The following CGNL1 variants were observed in gnomAD, a reference collection of about 807,000 sequenced individuals.
The protein encoded by CGNL1 is cingulin-like protein 1.
CGNL1 carries 132 observed loss-of-function variants against 141.2 expected under a neutral mutation model. The ratio of observed to expected loss-of-function variants is 0.93; its 90% CI spans 0.81 to 1.08. The LOEUF (loss-of-function observed/expected upper bound fraction) is 1.08, where lower values mean the gene tolerates loss of function less well. CGNL1 is among the 50% of genes least tolerant of loss of function. The pLI, the probability that CGNL1 is intolerant of heterozygous loss-of-function variation, is 0.00. For missense variants in CGNL1, 1,870 were observed against 1,588.6 expected, an observed-to-expected ratio of 1.18 and a Z score of -3.01; for synonymous variants, 690 against 622.1, an observed-to-expected ratio of 1.11 and a Z score of -1.63.
chr15:57,455,134 A>G (rs1176129461), intron 7 of CGNL1, among the ~76,000 whole-genome samples: 15 of 152,336 alleles, frequency 9.8e-5, no homozygotes, highest in African/African-American at 2.9e-4. Context: ...ATTTTTAAGA[A>G]GATAAACCAC....
intron 8 of CGNL1, among the ~76,000 whole-genome samples, chr15:57,473,657 G>A (rs1400173185): frequency 6.6e-6 from 1 of 152,074 alleles, no homozygotes; most frequent in Non-Finnish European, 1.5e-5. Context: ...CTCTTGCTGT[G>A]GAGGAAGCCA....
At chr15:57,524,525 A>C in intron 11 of CGNL1, 56 bp from the exon 12 acceptor site, 1 of 1,506,664 alleles carries the variant, frequency 6.6e-7, no homozygotes. Context: ...AATGGGACCC[A>C]GACCCTGGTC....
chr15:57,378,746 T>G (rs2062394286), intron 1 of CGNL1, among the ~76,000 whole-genome samples: 1 of 152,138 alleles, frequency 6.6e-6, no homozygotes. Flanking sequence ...GAAAGAACAT[T>G]TACATTCATT....
At chr15:57,504,720 A>G (rs953834631) in intron 8 of CGNL1, among the ~76,000 whole-genome samples, 3 of 151,978 alleles carry the variant, frequency 2.0e-5, no homozygotes, top group African/African-American at 7.3e-5. Flanking sequence ...GGGCTCTTGG[A>G]GCTTGTACCT....
intron 1 of CGNL1, chr15:57,405,005 C>G (rs533362904): frequency 1.3e-5 from 2 of 152,310 alleles, no homozygotes; most frequent in East Asian, 3.9e-4. Flanking sequence ...GTACTGCCCA[C>G]CATACTGTCT....
intron 1 of CGNL1, among the ~76,000 whole-genome samples, chr15:57,423,892 G>A (rs531698255): frequency 1.3e-5 from 2 of 152,332 alleles, no homozygotes; most frequent in East Asian, 1.9e-4. Context: ...GCTGCCAGGC[G>A]ATGCTGTTGC....
intron 1 of CGNL1, among the ~76,000 whole-genome samples, chr15:57,404,525 A>C (rs1376453985): frequency 6.6e-6 from 1 of 152,190 alleles, no homozygotes; most frequent in Non-Finnish European, 1.5e-5. Context: ...CATTTTTGCA[A>C]AGGGTGCATT....
At chr15:57,422,354 A>G (rs924900953) in intron 1 of CGNL1, among the ~76,000 whole-genome samples, 3 of 152,004 alleles carry the variant, frequency 2.0e-5, no homozygotes, top group Non-Finnish European at 4.4e-5. Flanking sequence ...ATGATTTCTA[A>G]TGGTGTGACT....
At chr15:57,509,367 C>T (rs952560766) in intron 8 of CGNL1, among the ~76,000 whole-genome samples, 1 of 152,228 alleles carries the variant, frequency 6.6e-6, no homozygotes, top group Non-Finnish European at 1.5e-5. Context: ...CAAAAGCCGG[C>T]TGTGGCAGAG....
At position 57,546,154 on chromosome 15, in the gene CGNL1, A is replaced by G. The variant is rs761913438; in HGVS notation, c.3688A>G (p.Lys1230Glu). The G allele has an allele frequency of 2.5e-6, 4 of 1,613,570 alleles. No individual in the cohort carries two copies. Among genetic ancestry groups the G allele is most frequent in the Non-Finnish European group, 3.4e-6 (4 of 1,179,808 alleles). The change falls in exon 18 of 19, where the codon AAG (lysine) becomes GAG (glutamate). Residue 1230 changes from lysine (K) to glutamate (E), a missense_variant. By Grantham distance (56) the Lys-to-Glu change is moderately conservative (BLOSUM62 1). Coordinates refer to ENST00000281282, the MANE Select transcript of CGNL1 (RefSeq NM_032866.5). ...EEIDRLESSK[K>E]KLQRELEEQM... ...AATCGACAGACTGGAAAGTTCTAAA[A>G]AGAAGCTGCAGAGGGAGCTGGAGGA...
intron 8 of CGNL1, among the ~76,000 whole-genome samples, chr15:57,463,851 T>A (rs2063476123): frequency 6.6e-6 from 1 of 152,232 alleles, no homozygotes; most frequent in African/African-American, 2.4e-5. Context: ...GTTGTCCTCC[T>A]GCAAGAATTC....
At chr15:57,394,131 G>GTTTTTTTTTT (rs2062576379) in intron 1 of CGNL1, 1 of 84,546 alleles carries the variant, frequency 1.2e-5, no homozygotes, top group Non-Finnish European at 2.5e-5. Context: ...TTGAGATGGA[G>GTTTTTTTTTT]TTTCGCTCTT....
Position 57,438,077 on chromosome 15 carries a change from C to G in CGNL1, c.78C>G (p.Thr26=). 1 of 1,613,964 alleles carries G rather than the reference C, an allele frequency of 6.2e-7. No individual in the cohort carries two copies. Residue 26 remains threonine, a synonymous_variant, in exon 2 of 19, where the codon ACC becomes ACG. Transcript: ENST00000281282. ...ATCTGAGACTCGCAAGTGATGATAC[C>G]CAAAAATCAAGGAGTTCCCAGAACT... ...GVHLRLASDD[T]QKSRSSQNSK...
chr15:57,506,411 C>A (rs1567159224), intron 8 of CGNL1, among the ~76,000 whole-genome samples: 2 of 152,132 alleles, frequency 1.3e-5, no homozygotes, highest in Non-Finnish European at 2.9e-5. Flanking sequence ...ATGTGAGGCT[C>A]CTTTTATCTC....
intron 8 of CGNL1, among the ~76,000 whole-genome samples, chr15:57,500,156 T>G (rs1040582485): frequency 6.6e-5 from 10 of 152,118 alleles, no homozygotes; most frequent in African/African-American, 2.4e-4. Flanking sequence ...TGTGAGATGT[T>G]TTCCTTCATA....
At chr15:57,452,441 G>C (rs576571969) in intron 6 of CGNL1, 152 bp downstream of exon 6, 2 of 686,196 alleles carry the variant, frequency 2.9e-6, no homozygotes, top group Non-Finnish European at 4.8e-6. Context: ...GTAAAATTAT[G>C]AAGCTGGCGA....
intron 7 of CGNL1, among the ~76,000 whole-genome samples, chr15:57,458,250 T>C (rs2063403516): frequency 1.3e-5 from 2 of 152,230 alleles, no homozygotes; most frequent in African/African-American, 2.4e-5. Flanking sequence ...TGACCTCTAA[T>C]GGATGTATAC....
chr15:57,393,247 G>A (rs1376595836), intron 1 of CGNL1, among the ~76,000 whole-genome samples: 9 of 152,150 alleles, frequency 5.9e-5, no homozygotes, highest in African/African-American at 2.2e-4. Flanking sequence ...TAGCATTGAG[G>A]CCTTCTGCAA....
At position 57,438,293 on chromosome 15, in the gene CGNL1, T is replaced by G. The variant is rs758177120; in HGVS notation, c.294T>G (p.Ser98Arg). Residue 98 changes from serine to arginine, a missense_variant, in exon 2 of 19, where the codon AGT (serine) becomes AGG (arginine). Transcript: ENST00000281282. ...SSNGSVPKEN[S>R]EELQLPENPY... The stretch of plus-strand genomic sequence containing the variant: ...ATGGTTCTGTGCCAAAGGAGAACAG[T>G]GAAGAACTTCAGCTTCCAGAAAACC... 6.2e-6 allele frequency: 10 copies of G among 1,614,010 alleles called. No individual in the cohort carries two copies. The highest frequency in any genetic ancestry group is 1.3e-5 in the African/African-American group (1 of 74,892).
Sources: allele counts gnomAD v4.1 joint callset (sites outside exome capture counted in the v4.1 genomes callset), GRCh38; gene constraint gnomAD v4.1.1; transcripts MANE v1.5; gene names NCBI Gene and HGNC (gene_info 2026-07-23, HGNC 2026-07-21).